Variants in MTMR10 observed in about 807,000 individuals in gnomAD.
MTMR10 encodes myotubularin-related protein 10.
MTMR10 carries 56 observed loss-of-function variants against 88.1 expected under a neutral mutation model. The ratio of observed to expected loss-of-function variants is 0.64; its 90% confidence interval spans 0.51 to 0.79. The LOEUF (loss-of-function observed/expected upper bound fraction) is 0.79, where lower values mean the gene tolerates loss of function less well. MTMR10 is among the 30% of genes least tolerant of loss of function. The probability of loss-of-function intolerance (pLI) is 0.00; values close to 1 mark genes in which losing one functional copy is unlikely to be tolerated. For missense variants in MTMR10, 883 were observed against 924.7 expected (o/e 0.95, Z 0.58); for synonymous variants, 380 against 340.9 (o/e 1.11, Z -1.26).
At chr15:30,926,328 G>A in the MTMR10 span, among the ~76,000 whole-genome samples, 2 of 152,192 alleles carry the variant, frequency 1.3e-5, no homozygotes, top group African/African-American at 4.8e-5. Context: ...CCTCTCAGGG[G>A]CCCTGCGGCC....
chr15:30,942,332 T>G, intron 15 of MTMR10: 1 of 530,212 alleles, frequency 1.9e-6, no homozygotes, highest in East Asian at 3.2e-5. Context: ...CTAATTTGCT[T>G]AAGGATAAGT....
Position 30,940,628 on chromosome 15 carries a change from C to T in MTMR10, c.*842G>A, listed in dbSNP as rs2063014078. The T allele has an allele frequency of 1.0e-6, 1 of 985,806 alleles. No homozygotes were observed. Among genetic ancestry groups the T allele is most frequent in the Non-Finnish European group, 1.2e-6 (1 of 830,370 alleles). The allele number at this position is 985,806 out of a possible 1,614,324, so 61.1% of individuals were successfully genotyped here. On this transcript the variant is annotated 3_prime_UTR_variant, in exon 16 of 16. Transcript: ENST00000435680. ...ATAGATGGCACTCTCCTGTCTACAG[C>T]ATACACCTCTGTGGAATCAGCACCC... is the stretch of plus-strand genomic sequence containing the variant.
intron 2 of MTMR10, among the ~76,000 whole-genome samples, chr15:30,986,553 AT>A (rs1331853189): frequency 1.3e-5 from 2 of 152,198 alleles, no homozygotes; most frequent in Admixed American, 1.3e-4. Flanking sequence ...TATCACCAAC[AT>A]TTAACAAAAA....
chr15:30,960,494 C>T (rs1020942521), intron 7 of MTMR10, among the ~76,000 whole-genome samples: 1 of 152,132 alleles, frequency 6.6e-6, no homozygotes, highest in Non-Finnish European at 1.5e-5. Flanking sequence ...AACAAATGAC[C>T]TGGTTTGTCA....
At chr15:30,948,757 G>A (rs908239728) in intron 12 of MTMR10, 5 of 460,396 alleles carry the variant, frequency 1.1e-5, no homozygotes, top group Non-Finnish European at 1.9e-5. Flanking sequence ...TAGAAAATCC[G>A]TCTAGACTCC....
intron 2 of MTMR10, among the ~76,000 whole-genome samples, chr15:30,985,840 G>A (rs1434123023): frequency 6.6e-6 from 1 of 152,172 alleles, no homozygotes; most frequent in Non-Finnish European, 1.5e-5. Flanking sequence ...GCCACTTGCA[G>A]CATTACCAAA....
chr15:30,932,081 G>C, the MTMR10 span, among the ~76,000 whole-genome samples: 5 of 152,004 alleles, frequency 3.3e-5, no homozygotes. Context: ...AATTAGCCGG[G>C]TGTGGTGGCG....
At chr15:30,922,223 T>C in the MTMR10 span, 3 of 1,599,592 alleles carry the variant, frequency 1.9e-6, no homozygotes, top group African/African-American at 1.4e-5. Flanking sequence ...TTCTTTGTTA[T>C]TGTTGCAATA....
At chr15:30,955,358 C>A (rs1003629797) in intron 9 of MTMR10, among the ~76,000 whole-genome samples, 1 of 152,194 alleles carries the variant, frequency 6.6e-6, no homozygotes. Context: ...GCAACCTCCC[C>A]CTCCCGGGTT....
At chr15:30,950,540 C>CA (rs1402690816) in intron 12 of MTMR10, among the ~76,000 whole-genome samples, 2 of 152,010 alleles carry the variant, frequency 1.3e-5, no homozygotes, top group Non-Finnish European at 2.9e-5. Context: ...CGTGGTGGTG[C>CA]ATGCTTGTAA....
At chr15:30,951,851 T>C (rs1482924181) in intron 12 of MTMR10, 117 bp downstream of exon 12, 2 of 842,548 alleles carry the variant, frequency 2.4e-6, no homozygotes, top group Admixed American at 4.3e-5. Context: ...TATTTGATGG[T>C]ACTGTAGTAA....
At chr15:30,957,489 G>A (rs1213070474) in intron 9 of MTMR10, among the ~76,000 whole-genome samples, 4 of 152,210 alleles carry the variant, frequency 2.6e-5, no homozygotes, top group African/African-American at 7.2e-5. Context: ...TCGGTAGGCC[G>A]AGGCGGGTGG....
intron 6 of MTMR10, 142 bp from the exon 7 acceptor site, chr15:30,961,215 T>C (rs2063397385): frequency 1.7e-6 from 2 of 1,180,454 alleles, no homozygotes; most frequent in South Asian, 2.0e-5. Context: ...AGAACTGTCT[T>C]GCCCTTTCCA....
rs887501214 is a variant in MTMR10, at chr15:30,940,381, C to T, written c.*1089G>A. ...CTGGGGGAGCACTTCTGTCGCTATT[C>T]AAATGGCAGTGTTTTGAGAGAATCC... On this transcript the variant is annotated 3_prime_UTR_variant, in exon 16 of 16. Transcript: ENST00000435680. The T allele has an allele frequency of 4.1e-6, 4 of 985,286 alleles. No individual in the cohort carries two copies. The African/African-American group carries it at 5.2e-5, about 13-fold the overall frequency. 61.0% of individuals were successfully genotyped at this position (985,286 alleles called of 1,614,324 possible). A position where few individuals can be genotyped will look rare whatever the true frequency, so the allele number is the denominator to read the frequency against.
chr15:30,958,834 TA>T (rs2063361552), intron 9 of MTMR10, 28 bp downstream of exon 9: 1 of 1,605,596 alleles, frequency 6.2e-7, no homozygotes, highest in East Asian at 2.2e-5. Flanking sequence ...TAAAACTATC[TA>T]AAGTGACAAT....
the MTMR10 span, among the ~76,000 whole-genome samples, chr15:30,921,886 T>C: frequency 6.6e-6 from 1 of 152,168 alleles, no homozygotes; most frequent in Non-Finnish European, 1.5e-5. Flanking sequence ...CCCAGAAGTA[T>C]GTGGGTTTGC....
chr15:30,957,190 T>C (rs1186858936), intron 9 of MTMR10, among the ~76,000 whole-genome samples: 3 of 152,142 alleles, frequency 2.0e-5, no homozygotes, highest in African/African-American at 7.3e-5. Context: ...ATTGAATAAA[T>C]ATCATATATG....
the MTMR10 span, among the ~76,000 whole-genome samples, chr15:30,929,565 CTTTATTATA>C: frequency 1.7e-5 from 2 of 115,204 alleles, no homozygotes; most frequent in South Asian, 2.6e-4. Context: ...TATATTATAT[CTTTATTATA>C]TTTATTATAT....
At chr15:30,951,658 CCTGA>C (rs1207877266) in intron 12 of MTMR10, among the ~76,000 whole-genome samples, 4 of 152,110 alleles carry the variant, frequency 2.6e-5, no homozygotes, top group African/African-American at 4.8e-5. Flanking sequence ...CACCACCACT[CCTGA>C]CTAATTTTTG....
Sources: gnomAD v4.1 joint callset for allele counts (sites outside exome capture counted in the v4.1 genomes callset) on GRCh38, gnomAD v4.1.1 for gene constraint, MANE v1.5 for transcripts, NCBI Gene and HGNC (gene_info 2026-07-23, HGNC 2026-07-21) for gene names.